The following ATP11C variants were observed in gnomAD, a reference collection of about 807,000 sequenced individuals.
ATP11C encodes phospholipid-transporting ATPase IG.
In ATP11C, 36 loss-of-function variants were observed where a neutral mutation model predicts 97.4. The observed-to-expected ratio is 0.37, with a 90% CI of 0.28 to 0.49. The LOEUF is 0.49. ATP11C is among the 20% of genes least tolerant of loss of function. The pLI is 0.98. For synonymous variants in ATP11C, 275 were observed against 290.9 expected (o/e 0.95, Z 0.56); for missense variants, 730 against 824.6 (o/e 0.89, Z 1.40).
chrX:139,845,943 G>A (rs955572859), intron 1 of ATP11C, among the ~76,000 whole-genome samples: 1 of 112,429 alleles, frequency 8.9e-6, no homozygotes, highest in African/African-American at 3.2e-5. Context: ...CAACAGGGAA[G>A]TTGTACACCA....
intron 1 of ATP11C, among the ~76,000 whole-genome samples, chrX:139,861,769 T>TATACACAC (rs768047355): frequency 3.0e-5 from 3 of 101,319 alleles, no homozygotes; most frequent in African/African-American, 1.1e-4. Context: ...AATCCTGTTA[T>TATACACAC]ACACACACAC....
intron 1 of ATP11C, among the ~76,000 whole-genome samples, chrX:139,927,370 G>C (rs943579737): frequency 2.6e-4 from 29 of 111,844 alleles, no homozygotes; most frequent in African/African-American, 9.1e-4. Flanking sequence ...GGGAGGCCGA[G>C]GTAGGGAAAT....
chrX:139,852,093 C>T (rs2083998479), intron 1 of ATP11C, among the ~76,000 whole-genome samples: 1 of 108,130 alleles, frequency 9.2e-6, no homozygotes, highest in Admixed American at 9.9e-5. Flanking sequence ...GAATCGCTTG[C>T]GCCCAGGACA....
chrX:139,753,185 C>T (rs902964489), intron 23 of ATP11C, among the ~76,000 whole-genome samples: 19 of 111,400 alleles, frequency 1.7e-4, no homozygotes, highest in African/African-American at 6.2e-4. Context: ...CTTATCACCA[C>T]ATGGCACATA....
At chrX:139,873,511 C>T (rs944187769) in intron 1 of ATP11C, among the ~76,000 whole-genome samples, 1 of 109,289 alleles carries the variant, frequency 9.2e-6, no homozygotes, top group Admixed American at 9.9e-5. Flanking sequence ...AGTTGGAGAC[C>T]AGCCTGGCCA....
At chrX:139,824,849 A>C (rs922547486) in intron 2 of ATP11C, among the ~76,000 whole-genome samples, 1 of 112,203 alleles carries the variant, frequency 8.9e-6, no homozygotes, top group East Asian at 2.8e-4. Context: ...TTATGACTGA[A>C]GGGTGGAGAA....
intron 27 of ATP11C, 50 bp downstream of exon 27, chrX:139,740,941 T>C (rs773943043): frequency 1.3e-6 from 1 of 777,560 alleles, no homozygotes; most frequent in East Asian, 3.2e-5. Context: ...TACATACACA[T>C]GTATCTACTT....
At chrX:139,879,009 G>A (rs967337057) in intron 1 of ATP11C, among the ~76,000 whole-genome samples, 2 of 111,254 alleles carry the variant, frequency 1.8e-5, no homozygotes, top group Non-Finnish European at 3.8e-5. Flanking sequence ...TACTCAGGAG[G>A]CTGAGCTGGG....
At chrX:139,858,946 G>C (rs2084137900) in intron 1 of ATP11C, among the ~76,000 whole-genome samples, 1 of 112,160 alleles carries the variant, frequency 8.9e-6, no homozygotes, top group Non-Finnish European at 1.9e-5. Flanking sequence ...ACCCCCAAAA[G>C]AAACTCAACC....
chrX:139,894,226 T>C (rs986840302), intron 1 of ATP11C, among the ~76,000 whole-genome samples: 1 of 112,361 alleles, frequency 8.9e-6, no homozygotes, highest in African/African-American at 3.2e-5. Flanking sequence ...TAGTACTTTC[T>C]GATCTTCATC....
intron 12 of ATP11C, among the ~76,000 whole-genome samples, chrX:139,794,664 T>C (rs2082757763): frequency 8.9e-6 from 1 of 111,904 alleles, no homozygotes; most frequent in African/African-American, 3.2e-5. Flanking sequence ...TTCTGCAGTA[T>C]TAACATAGTC....
chrX:139,907,641 G>C (rs2085002354), intron 1 of ATP11C, among the ~76,000 whole-genome samples: 1 of 109,930 alleles, frequency 9.1e-6, no homozygotes, highest in African/African-American at 3.3e-5. Context: ...CCAGCTACTT[G>C]AGAGGCTAAG....
At chrX:139,913,978 C>T (rs755069891) in intron 1 of ATP11C, among the ~76,000 whole-genome samples, 4 of 111,375 alleles carry the variant, frequency 3.6e-5, no homozygotes, top group Non-Finnish European at 5.6e-5. Context: ...AGATGGAGAC[C>T]CAAAGAGTAA....
At chrX:139,871,396 A>G (rs2084374340) in intron 1 of ATP11C, among the ~76,000 whole-genome samples, 1 of 107,219 alleles carries the variant, frequency 9.3e-6, no homozygotes, top group African/African-American at 3.4e-5. Flanking sequence ...TCTGGTAGAG[A>G]TGGGGTTTCA....
At chrX:139,896,852 T>C (rs1450069360) in intron 1 of ATP11C, among the ~76,000 whole-genome samples, 1 of 110,344 alleles carries the variant, frequency 9.1e-6, no homozygotes, top group South Asian at 3.9e-4. Context: ...CAAGGCCCAG[T>C]CAGCCTCCCA....
chrX:139,875,494 G>A (rs978111876), intron 1 of ATP11C, among the ~76,000 whole-genome samples: 1 of 109,842 alleles, frequency 9.1e-6, no homozygotes, highest in Non-Finnish European at 1.9e-5. Flanking sequence ...GCTACTCGGA[G>A]GCTGAGGTGG....
chrX:139,853,547 T>C (rs940447467), intron 1 of ATP11C, among the ~76,000 whole-genome samples: 3 of 109,924 alleles, frequency 2.7e-5, no homozygotes, highest in South Asian at 3.9e-4. Flanking sequence ...AAAGCCAAGG[T>C]AAATTAGGAA....
chrX:139,764,339 G>A (rs1000263235), intron 20 of ATP11C, among the ~76,000 whole-genome samples: 3 of 112,573 alleles, frequency 2.7e-5, no homozygotes, highest in African/African-American at 6.5e-5. Context: ...AAAGCCTGTC[G>A]CTATTCCCTG....
At chrX:139,858,603 TTA>T (rs2084131269) in intron 1 of ATP11C, among the ~76,000 whole-genome samples, 1 of 112,307 alleles carries the variant, frequency 8.9e-6, no homozygotes, top group Non-Finnish European at 1.9e-5. Context: ...GTTTGAGGGT[TTA>T]TGTTTCAAAA....
Sources: gnomAD v4.1 joint callset for allele counts (sites outside exome capture counted in the v4.1 genomes callset) on GRCh38, gnomAD v4.1.1 for gene constraint, MANE v1.5 for transcripts, NCBI Gene and HGNC (gene_info 2026-07-23, HGNC 2026-07-21) for gene names.